SNX29: variants seen among roughly 807,000 people sequenced by gnomAD.
The protein encoded by SNX29 is sorting nexin 29, also known as sorting nexin-29.
In SNX29, 78 loss-of-function variants were observed where a neutral mutation model predicts 102.1. That is an observed-to-expected ratio of 0.76 (90% CI 0.64 to 0.92). SNX29 has a LOEUF of 0.92. Among genes scored for constraint, SNX29 ranks in the 40% least tolerant of loss-of-function variants. SNX29 has a pLI of 0.00. For missense variants in SNX29, 1,280 were observed against 1,061.7 expected, an observed-to-expected ratio of 1.21 and a Z score of -2.86; for synonymous variants, 580 against 414.5, an observed-to-expected ratio of 1.40 and a Z score of -4.85.
chr16:12,502,082 C>G (rs1003619239), intron 19 of SNX29, among the ~76,000 whole-genome samples: 3 of 152,160 alleles, frequency 2.0e-5, no homozygotes, highest in African/African-American at 7.2e-5. Context: ...GCTTAGTGTC[C>G]AGGCTCAGGA....
intron 5 of SNX29, among the ~76,000 whole-genome samples, chr16:12,043,541 G>A (rs1281834492): frequency 6.6e-6 from 1 of 151,920 alleles, no homozygotes; most frequent in East Asian, 1.9e-4. Context: ...TTTTTTTGTA[G>A]CGATGGGGTC....
chr16:12,555,045 C>A (rs1374147334), intron 20 of SNX29, among the ~76,000 whole-genome samples: 1 of 151,592 alleles, frequency 6.6e-6, no homozygotes, highest in African/African-American at 2.4e-5. Flanking sequence ...CACCGAGCAG[C>A]CTCAAGAGGC....
Position 12,300,443 on chromosome 16 carries a change from G to C in SNX29, c.1782+22407G>C, listed in dbSNP as rs368294181. ...TATATTTTACTCTGTATATTTTACTGTCTTTTTATCTTCCATTGTTTGGCA... is the reference window on the plus strand; with the variant it reads ...TATATTTTACTCTGTATATTTTACTCTCTTTTTATCTTCCATTGTTTGGCA... On this transcript the variant is annotated intron_variant, in intron 15 of 20. Coordinates refer to ENST00000566228, the MANE Select transcript of SNX29 (RefSeq NM_032167.5). 1.4e-4 allele frequency among the ~76,000 whole-genome samples: 21 copies of C among 152,146 alleles called. 1 individual carries two copies. The East Asian group carries it at 1.9e-3, about 14-fold the overall frequency.
intron 20 of SNX29, among the ~76,000 whole-genome samples, chr16:12,558,769 C>A (rs544871961): frequency 5.9e-5 from 9 of 152,348 alleles, no homozygotes; most frequent in African/African-American, 2.2e-4. Flanking sequence ...GTGATCATCC[C>A]GCATTGTACA....
Position 12,543,898 on chromosome 16 carries a change from C to T in SNX29, c.2318+19057C>T, listed in dbSNP as rs536607798. On this transcript the variant is annotated intron_variant, in intron 20 of 20. Coordinates refer to ENST00000566228, the MANE Select transcript of SNX29 (RefSeq NM_032167.5). The stretch of plus-strand genomic sequence containing the variant: ...CACTACAAGAGCTTGCGTATTCCTT[C>T]ATCCTGGATTGCCGAAGGTGGAATC... Among the ~76,000 whole-genome samples the T allele has an allele frequency of 1.1e-4, 17 of 152,352 alleles. No individual in the cohort carries two copies. In the South Asian group the frequency reaches 3.5e-3, roughly 32 times the overall value.
rs1388105841 is a variant in SNX29 at position 12,569,266 on chromosome 16, A to C, written c.*637A>C. 4 of 227,598 alleles carry C rather than the reference A, an allele frequency of 1.8e-5. No individual in the cohort carries two copies. The East Asian group carries it at 2.5e-4, about 14-fold the overall frequency. 14.1% of individuals were successfully genotyped at this position (227,598 alleles called of 1,614,324 possible). On this transcript the variant is annotated 3_prime_UTR_variant, in exon 21 of 21. Transcript: ENST00000566228. Reference sequence around the variant, plus strand: ...GGAGCCATTAGTGATGTGCAACTTGAGTTCAGAGAACTTCCCCTACCTCCC... The same window carrying C: ...GGAGCCATTAGTGATGTGCAACTTGCGTTCAGAGAACTTCCCCTACCTCCC...
intron 18 of SNX29, among the ~76,000 whole-genome samples, chr16:12,446,008 C>T (rs2086031435): frequency 6.6e-6 from 1 of 151,880 alleles, no homozygotes; most frequent in Non-Finnish European, 1.5e-5. Flanking sequence ...TGCTTCCATG[C>T]AGCTCCTGGA....
chr16:12,211,461 T>A (rs1316945029), intron 14 of SNX29, among the ~76,000 whole-genome samples: 1 of 152,138 alleles, frequency 6.6e-6, no homozygotes, highest in Admixed American at 6.6e-5. Flanking sequence ...GACTGTTGCC[T>A]CCATTTTACA....
At chr16:11,998,314 T>G (rs2056164135) in intron 1 of SNX29, among the ~76,000 whole-genome samples, 2 of 152,198 alleles carry the variant, frequency 1.3e-5, no homozygotes, top group Admixed American at 1.3e-4. Flanking sequence ...GGGCCTCTTG[T>G]GGAGATCAGG....
chr16:12,086,094 C>T (rs1294288652), intron 11 of SNX29, among the ~76,000 whole-genome samples: 1 of 151,552 alleles, frequency 6.6e-6, no homozygotes, highest in Non-Finnish European at 1.5e-5. Flanking sequence ...AGCTCCGCCT[C>T]CCGGGCTCAC....
chr16:12,376,736 C>CAAAAAAAAAAA (rs71408262), intron 16 of SNX29, among the ~76,000 whole-genome samples: 1 of 77,936 alleles, frequency 1.3e-5, no homozygotes, highest in Non-Finnish European at 2.3e-5. Flanking sequence ...GACTCTGTCT[C>CAAAAAAAAAAA]AAAAAAAAAA....
At chr16:12,554,768 T>TCC (rs560688547) in intron 20 of SNX29, among the ~76,000 whole-genome samples, 23 of 151,980 alleles carry the variant, frequency 1.5e-4, no homozygotes, top group African/African-American at 4.8e-4. Context: ...ACGTGCTCTC[T>TCC]CCCCCGCCAT....
intron 19 of SNX29, among the ~76,000 whole-genome samples, chr16:12,491,888 C>T (rs7193882): frequency 0.21 from 31,653 of 152,150 alleles, 3,659 homozygotes; most frequent in South Asian, 0.38. Context: ...CATAGTATTC[C>T]GTGGTGTATA....
At chr16:12,360,322 C>A (rs1344093134) in intron 16 of SNX29, among the ~76,000 whole-genome samples, 3 of 151,472 alleles carry the variant, frequency 2.0e-5, no homozygotes, top group African/African-American at 7.3e-5. Flanking sequence ...TCTCTTTTTT[C>A]CCTTGTCTTT....
Position 12,347,950 on chromosome 16 carries a change from A to G in SNX29, c.1783-8213A>G, listed in dbSNP as rs563311010. 1.2e-4 allele frequency among the ~76,000 whole-genome samples: 18 copies of G among 151,484 alleles called. No individual in the cohort carries two copies. The South Asian group carries it at 3.3e-3, about 28-fold the overall frequency. On this transcript the variant is annotated intron_variant, in intron 15 of 20. Coordinates refer to ENST00000566228, the MANE Select transcript of SNX29 (RefSeq NM_032167.5). ...AAAAAATAGGTGAGCATGGTGGCAC[A>G]TGGCTGTAGTCCCAGCTACTTGGGA...
chr16:12,174,066 G>A (rs2076208227), intron 13 of SNX29, among the ~76,000 whole-genome samples: 1 of 152,320 alleles, frequency 6.6e-6, no homozygotes, highest in East Asian at 1.9e-4. Flanking sequence ...ACAGACATGA[G>A]CCACTGCCCC....
chr16:12,124,012 C>G (rs964169327), intron 11 of SNX29, among the ~76,000 whole-genome samples: 3 of 152,148 alleles, frequency 2.0e-5, no homozygotes, highest in Admixed American at 6.5e-5. Flanking sequence ...TTGCTGGGAT[C>G]TCAAACCGAA....
At chr16:12,560,580 C>T (rs753686943) in intron 20 of SNX29, among the ~76,000 whole-genome samples, 2 of 152,198 alleles carry the variant, frequency 1.3e-5, no homozygotes, top group Non-Finnish European at 2.9e-5. Context: ...TGGGGTCTGT[C>T]CATCTGTACC....
intron 13 of SNX29, among the ~76,000 whole-genome samples, chr16:12,146,809 T>C (rs1359423764): frequency 6.6e-6 from 1 of 152,218 alleles, no homozygotes; most frequent in African/African-American, 2.4e-5. Flanking sequence ...AATGTTGAAA[T>C]TTAAAATAAT....
Sources: gnomAD v4.1 joint callset for allele counts (sites outside exome capture counted in the v4.1 genomes callset) on GRCh38, gnomAD v4.1.1 for gene constraint, MANE v1.5 for transcripts, NCBI Gene and HGNC (gene_info 2026-07-23, HGNC 2026-07-21) for gene names.